The following BCL6 variants were observed in gnomAD, a reference collection of about 807,000 sequenced individuals.
BCL6 encodes BCL6 transcription repressor, also known as B-cell lymphoma 6 protein.
Under a neutral mutation model 59.5 loss-of-function variants are expected in BCL6, and 7 were observed. The ratio of observed to expected loss-of-function variants is 0.12; its 90% CI spans 0.07 to 0.22. The LOEUF is 0.22. Among genes scored for constraint, BCL6 ranks in the 10% least tolerant of loss-of-function variants. The probability of loss-of-function intolerance (pLI) is 1.00; values close to 1 mark genes in which losing one functional copy is unlikely to be tolerated. For synonymous variants in BCL6, 339 were observed against 349.7 expected (o/e 0.97, Z 0.34); for missense variants, 685 against 939.4 (o/e 0.73, Z 3.54).
rs180925131 is a variant in BCL6, at chr3:187,744,540, T to C, written c.-50+870A>G. The stretch of plus-strand genomic sequence containing the variant: ...AGATCACGGCTCTGAAAGGAAATAG[T>C]AGACACGATACTTCATCTCATCTGG... On this transcript the variant is annotated intron_variant, in intron 1 of 9. Coordinates refer to ENST00000406870, the MANE Select transcript of BCL6 (RefSeq NM_001706.5). 2.6e-5 allele frequency among the ~76,000 whole-genome samples: 4 copies of C among 152,174 alleles called. No homozygotes were observed. The South Asian group carries it at 6.2e-4, about 24-fold the overall frequency.
At chr3:187,743,949 C>T (rs1579830892) in intron 1 of BCL6, among the ~76,000 whole-genome samples, 1 of 152,256 alleles carries the variant, frequency 6.6e-6, no homozygotes, top group South Asian at 2.1e-4. Flanking sequence ...GCGCCGGGTC[C>T]CCTCAGCCAC....
Position 187,722,428 on chromosome 3 carries a change from C to T in BCL6, c.*30G>A. The T allele has an allele frequency of 1.3e-6, 2 of 1,583,702 alleles. No homozygotes were observed. Among genetic ancestry groups the T allele is most frequent in the Non-Finnish European group, 1.7e-6 (2 of 1,163,624 alleles). ...CCTTTGGGTAGATTCTGAGAAGGGG[C>T]TGGAGACGAAAGCATCAACACTCCA... On this transcript the variant is annotated 3_prime_UTR_variant, in exon 10 of 10. Coordinates refer to ENST00000406870, the MANE Select transcript of BCL6 (RefSeq NM_001706.5).
At chr3:187,741,168 A>G (rs1711575867) in intron 1 of BCL6, among the ~76,000 whole-genome samples, 1 of 152,220 alleles carries the variant, frequency 6.6e-6, no homozygotes, top group Non-Finnish European at 1.5e-5. Context: ...AAGCAAAGCT[A>G]GAAAACATTT....
rs994402271 is a variant in BCL6 at position 187,725,393 on chromosome 3, G to A, written c.1839+106C>T. 30 of 1,552,786 alleles carry A rather than the reference G, an allele frequency of 1.9e-5. No homozygotes were observed. The highest frequency in any genetic ancestry group is 5.6e-5 in the Admixed American group (3 of 53,544). ...GCTCACCTGCCCGCTCCGCTTGCCT[G>A]CCCGCTCCACTTGCCTGCCCACTCC... is the stretch of plus-strand genomic sequence containing the variant. On this transcript the variant is annotated intron_variant, in intron 8 of 9. Transcript: ENST00000406870. The surrounding 1 kb of genome is among the most constrained non-coding windows in gnomAD (Gnocchi z 4.7).
intron 5 of BCL6, 93 bp from the exon 6 acceptor site, chr3:187,728,637 G>A: frequency 7.8e-7 from 1 of 1,284,130 alleles, no homozygotes; most frequent in Non-Finnish European, 1.1e-6. Flanking sequence ...AGAGGCCAGA[G>A]CTGGGCTGCC....
chr3:187,737,646 C>G (rs1719353206), intron 1 of BCL6: 1 of 152,518 alleles, frequency 6.6e-6, no homozygotes, highest in Non-Finnish European at 1.5e-5. Flanking sequence ...CGAAGCCCCC[C>G]GCAAGGCGCG....
Position 187,725,934 on chromosome 3 carries a change from C to A in BCL6, c.1709-305G>T, listed in dbSNP as rs73184657. ...TTCCAGGAAGCCTGGGCTTTAGAAC[C>A]AGCTTTGTCATTAGGATTATCTGCC... On this transcript the variant is annotated intron_variant, in intron 7 of 9. Transcript: ENST00000406870. This position sits in a 1 kb window ranked among gnomAD's most constrained non-coding sequence, Gnocchi z 4.7. 0.12 allele frequency among the ~76,000 whole-genome samples: 18,973 copies of A among 152,216 alleles called. 1,328 individuals are homozygous for A. The highest frequency in any genetic ancestry group is 0.19 in the South Asian group (924 of 4,828).
chr3:187,742,134 A>G (rs974927001), intron 1 of BCL6, among the ~76,000 whole-genome samples: 6 of 152,180 alleles, frequency 3.9e-5, no homozygotes, highest in East Asian at 3.8e-4. Flanking sequence ...AAAATGTTTC[A>G]TAAGTTCACT....
chr3:187,729,198 G>T lies in BCL6; in HGVS notation c.1207C>A (p.Leu403Ile), dbSNP rs780897268. ...EGPEQAELGR[L>I]SPRAYTAPPA... ...GGGGCCGTGTAGGCTCGTGGGGAAA[G>T]GCGGCCCAGCTCAGCCTGCTCAGGC... Residue 403 changes from leucine to isoleucine, a missense_variant, in exon 5 of 10, where the codon CTT becomes ATT. Leu to Ile is a conservative substitution (Grantham distance 5). Transcript: ENST00000406870. The surrounding 1 kb of genome is among the most constrained non-coding windows in gnomAD (Gnocchi z 5.6). 1.2e-6 allele frequency: 2 copies of T among 1,604,586 alleles called. No homozygotes were observed. Among genetic ancestry groups the T allele is most frequent in the Admixed American group, 1.7e-5 (1 of 59,336 alleles).
At position 187,731,892 on chromosome 3, in the gene BCL6, C is replaced by T; in HGVS notation, c.200G>A (p.Cys67Tyr). ...ATCTAGATTGATCACACTAAGGTTG[C>T]ATTTCAACTGGTCTGTAAAGATGCT... ...FYSIFTDQLKCNLSVINLDPE... is the reference protein window; with the variant it reads ...FYSIFTDQLKYNLSVINLDPE... Residue 67 changes from cysteine (C) to tyrosine (Y), a missense_variant, in exon 4 of 10, where the codon TGC (cysteine) becomes TAC (tyrosine). Physicochemically the swap from Cys to Tyr is radical, Grantham distance 194. Transcript: ENST00000406870. 1 of 1,614,140 alleles carries T rather than the reference C, an allele frequency of 6.2e-7. No homozygotes were observed. The highest frequency in any genetic ancestry group is 1.1e-5 in the South Asian group (1 of 91,078).
In BCL6 at chr3:187,725,134, C is replaced by A. The variant is rs561897224; in HGVS notation, c.1840-56G>T. The A allele has an allele frequency of 6.2e-7, 1 of 1,608,408 alleles. No individual in the cohort carries two copies. The highest frequency in any genetic ancestry group is 1.3e-5 in the African/African-American group (1 of 74,902). On this transcript the variant is annotated intron_variant, in intron 8 of 9. Coordinates refer to ENST00000406870, the MANE Select transcript of BCL6 (RefSeq NM_001706.5). The surrounding 1 kb of genome is among the most constrained non-coding windows in gnomAD (Gnocchi z 4.7). ...CTGGGGTGGGCTGCAGGCCTCTGGG[C>A]AGCCCCTCATTAGCACACAGCCAGT...
At chr3:187,730,160 A>G in intron 4 of BCL6, 139 bp from the exon 5 acceptor site, 1 of 1,210,420 alleles carries the variant, frequency 8.3e-7, no homozygotes. Flanking sequence ...GCAGGGAACC[A>G]CAATTACAAC....
intron 1 of BCL6, among the ~76,000 whole-genome samples, chr3:187,745,030 T>C (rs1399050425): frequency 6.6e-6 from 1 of 150,790 alleles, no homozygotes; most frequent in Non-Finnish European, 1.5e-5. Flanking sequence ...TTCCCCTCCT[T>C]CCTCTCCTCC....
rs1225106034 is a variant in BCL6 at position 187,722,185 on chromosome 3, A to G, written c.*273T>C. 1.2e-5 allele frequency: 4 copies of G among 345,036 alleles called. No individual in the cohort carries two copies. In the Admixed American group the frequency reaches 1.9e-4, roughly 17 times the overall value. 21.4% of individuals were successfully genotyped at this position (345,036 alleles called of 1,614,324 possible). On this transcript the variant is annotated 3_prime_UTR_variant, in exon 10 of 10. Transcript: ENST00000406870. ...CATACTCCCCTGCTTTGACATATAA[A>G]ATGATTTTGCTTTTTGCTGACATGG... is the stretch of plus-strand genomic sequence containing the variant.
intron 1 of BCL6, among the ~76,000 whole-genome samples, chr3:187,744,899 G>C (rs550636214): frequency 1.1e-4 from 16 of 152,186 alleles, no homozygotes; most frequent in Middle Eastern, 3.4e-3. Context: ...GCAAGCAGCA[G>C]CAGAAAGAGC....
chr3:187,731,841 C>T lies in BCL6; in HGVS notation c.251G>A (p.Cys84Tyr). The T allele has an allele frequency of 6.2e-7, 1 of 1,614,158 alleles. No homozygotes were observed. Among genetic ancestry groups the T allele is most frequent in the South Asian group, 1.1e-5 (1 of 91,088 alleles). The change falls in exon 4 of 10, where the codon TGC (cysteine) becomes TAC (tyrosine). Residue 84 changes from cysteine (C) to tyrosine (Y), a missense_variant. By Grantham distance (194) the Cys-to-Tyr change is radical. This residue lies in a region of BCL6 where 102 missense variants were observed against 176.6 expected (regional missense o/e 0.58). Coordinates refer to ENST00000406870, the MANE Select transcript of BCL6 (RefSeq NM_001706.5). ...TGTGTACATGAAGTCCAGGAGGATG[C>T]AGAATCCCTCAGGGTTGATCTCAGG... Reference protein sequence around the residue: ...LDPEINPEGFCILLDFMYTSR... With the variant: ...LDPEINPEGFYILLDFMYTSR...
intron 1 of BCL6, chr3:187,737,545 C>T (rs1719349023): frequency 6.6e-6 from 1 of 152,572 alleles, no homozygotes; most frequent in Admixed American, 6.6e-5. Flanking sequence ...CAGCCCTGCG[C>T]GCCGGGGCAA....
chr3:187,744,407 T>G (rs567337228), intron 1 of BCL6, among the ~76,000 whole-genome samples: 2 of 147,054 alleles, frequency 1.4e-5, no homozygotes, highest in South Asian at 2.3e-4. Flanking sequence ...CCCGACTCCC[T>G]CGACTACAAC....
intron 1 of BCL6, among the ~76,000 whole-genome samples, chr3:187,744,532 G>C (rs535290492): frequency 6.6e-6 from 1 of 152,216 alleles, no homozygotes; most frequent in East Asian, 1.9e-4. Context: ...GGCTCTGAAA[G>C]GAAATAGTAG....
Sources: gnomAD v4.1 joint callset for allele counts (sites outside exome capture counted in the v4.1 genomes callset) on GRCh38, gnomAD v4.1.1 for gene constraint, gnomAD v4.1.1 regional missense constraint, Gnocchi (gnomAD v3.1) non-coding constraint, MANE v1.5 for transcripts, NCBI Gene and HGNC (gene_info 2026-07-23, HGNC 2026-07-21) for gene names.